The following ASTN2 variants were observed in gnomAD, a reference collection of about 807,000 sequenced individuals.
ASTN2 encodes astrotactin-2.
ASTN2 carries 54 observed loss-of-function variants against 139.8 expected under a neutral mutation model. That is an observed-to-expected ratio of 0.39 (90% CI 0.31 to 0.48). The LOEUF is 0.48. Ranked by LOEUF, ASTN2 falls within the 20% of genes least tolerant of loss-of-function variation. The pLI is 0.95. For synonymous variants in ASTN2, 756 were observed against 719.5 expected, an observed-to-expected ratio of 1.05 and a Z score of -0.81; for missense variants, 1,565 against 1,725.1, an observed-to-expected ratio of 0.91 and a Z score of 1.64.
At chr9:117,009,469 G>A (rs1837450318) in intron 6 of ASTN2, among the ~76,000 whole-genome samples, 3 of 152,050 alleles carry the variant, frequency 2.0e-5, no homozygotes, top group African/African-American at 7.2e-5. Flanking sequence ...AGTTGCAAAT[G>A]GTGAGTGTAT....
At chr9:116,759,988 T>C (rs1829634146) in intron 13 of ASTN2, among the ~76,000 whole-genome samples, 1 of 152,216 alleles carries the variant, frequency 6.6e-6, no homozygotes, top group Non-Finnish European at 1.5e-5. Context: ...GGACCCTGGT[T>C]TCTTTATCAG....
chr9:116,998,206 G>A (rs1411056467), intron 7 of ASTN2, among the ~76,000 whole-genome samples: 2 of 152,184 alleles, frequency 1.3e-5, no homozygotes, highest in African/African-American at 4.8e-5. Context: ...AATGAGTGGT[G>A]AGGTGGAGAG....
At chr9:116,529,325 G>A (rs936098356) in intron 19 of ASTN2, among the ~76,000 whole-genome samples, 1 of 152,116 alleles carries the variant, frequency 6.6e-6, no homozygotes, top group Non-Finnish European at 1.5e-5. Context: ...CTGTCCTGTT[G>A]GGTTTCGGAC....
intron 5 of ASTN2, among the ~76,000 whole-genome samples, chr9:117,083,272 T>C (rs902768770): frequency 6.6e-6 from 1 of 152,232 alleles, no homozygotes; most frequent in African/African-American, 2.4e-5. Flanking sequence ...CTGGCTAAAT[T>C]TATCCTTCCC....
At chr9:116,924,026 G>A (rs1420969504) in intron 10 of ASTN2, among the ~76,000 whole-genome samples, 1 of 152,108 alleles carries the variant, frequency 6.6e-6, no homozygotes, top group Non-Finnish European at 1.5e-5. Context: ...CCCAATAGAG[G>A]GTTCTTGGAT....
At chr9:116,680,302 C>A (rs1178432320) in intron 16 of ASTN2, among the ~76,000 whole-genome samples, 2 of 152,188 alleles carry the variant, frequency 1.3e-5, no homozygotes, top group Admixed American at 6.5e-5. Context: ...TGGACACATA[C>A]ACCATCCCAA....
At chr9:117,311,374 T>G (rs935699341) in intron 1 of ASTN2, among the ~76,000 whole-genome samples, 1 of 152,280 alleles carries the variant, frequency 6.6e-6, no homozygotes, top group Admixed American at 6.5e-5. Flanking sequence ...TTCAGAGCCC[T>G]GTTTCCCACC....
intron 10 of ASTN2, among the ~76,000 whole-genome samples, chr9:116,910,649 T>C (rs1268392302): frequency 2.0e-5 from 3 of 152,076 alleles, no homozygotes; most frequent in Admixed American, 1.3e-4. Flanking sequence ...GTTGAGGGAC[T>C]GGACTCAAAC....
At chr9:117,397,993 T>C (rs1035301814) in intron 1 of ASTN2, among the ~76,000 whole-genome samples, 64 of 152,248 alleles carry the variant, frequency 4.2e-4, no homozygotes, top group African/African-American at 1.4e-3. Flanking sequence ...AGAAGAATCA[T>C]CATATTCCAC....
intron 19 of ASTN2, among the ~76,000 whole-genome samples, chr9:116,603,379 A>G (rs185632989): frequency 6.6e-6 from 1 of 152,290 alleles, no homozygotes; most frequent in Admixed American, 6.5e-5. Context: ...TTTATGGAAC[A>G]ATATCATGTG....
At chr9:116,810,066 G>A (rs1276435486) in intron 12 of ASTN2, among the ~76,000 whole-genome samples, 3 of 152,112 alleles carry the variant, frequency 2.0e-5, no homozygotes, top group Admixed American at 1.3e-4. Context: ...ACAATAGACC[G>A]TGCACAAATA....
At chr9:116,956,097 T>TC (rs1295536224) in intron 10 of ASTN2, among the ~76,000 whole-genome samples, 6 of 145,890 alleles carry the variant, frequency 4.1e-5, no homozygotes, top group East Asian at 2.0e-4. Context: ...TTCTTTTCTT[T>TC]TTTTTTTTTT....
chr9:117,276,716 G>A lies in ASTN2; in HGVS notation c.630+14610C>T, dbSNP rs531457900. ...GAGGGCACAGAGAGACAAGGGCGGG[G>A]GAGAGGGGGATGAGATAAGGCTGCC... On this transcript the variant is annotated intron_variant, in intron 2 of 22. Transcript: ENST00000313400. 9.2e-5 allele frequency among the ~76,000 whole-genome samples: 14 copies of A among 152,268 alleles called. No homozygotes were observed. The East Asian group carries it at 2.7e-3, about 30-fold the overall frequency.
In ASTN2 at chr9:117,398,781, C is replaced by A. The variant is rs150313771; in HGVS notation, c.442+15716G>T. Among the ~76,000 whole-genome samples, 235 of 152,224 alleles carry A rather than the reference C, an allele frequency of 1.5e-3. 1 individual carries two copies. The highest frequency in any genetic ancestry group is 6.8e-3 in the Middle Eastern group (2 of 292). ...TAATGTGTTACAACAACCTTGTATT[C>A]TTTCTGTTAATATTTTTTGAGATGG... On this transcript the variant is annotated intron_variant, in intron 1 of 22. Transcript: ENST00000313400.
At chr9:116,504,882 T>G (rs1850039109) in intron 19 of ASTN2, among the ~76,000 whole-genome samples, 1 of 93,468 alleles carries the variant, frequency 1.1e-5, no homozygotes, top group African/African-American at 4.9e-5. Flanking sequence ...GATGACCAAG[T>G]GAAATCCTGT....
At chr9:116,502,051 T>C (rs1849876176) in intron 19 of ASTN2, among the ~76,000 whole-genome samples, 1 of 151,868 alleles carries the variant, frequency 6.6e-6, no homozygotes, top group Non-Finnish European at 1.5e-5. Context: ...GGTTTTCTGG[T>C]CATGCAAGCA....
At chr9:116,963,187 G>A (rs1245963393) in intron 10 of ASTN2, among the ~76,000 whole-genome samples, 1 of 152,142 alleles carries the variant, frequency 6.6e-6, no homozygotes, top group Admixed American at 6.5e-5. Flanking sequence ...TGATTCTGGA[G>A]GGCACATTCT....
rs562113175 is a variant in ASTN2, at chr9:116,532,158, T to A, written c.3356-44658A>T. On this transcript the variant is annotated intron_variant, in intron 19 of 22. Coordinates refer to ENST00000313400, the MANE Select transcript of ASTN2 (RefSeq NM_001365068.1). ...TGCATGTGTCTTTTGGCTGCATAAA[T>A]GTCTTCTTTTGAGAAGTGTCTGTTC... 3.9e-5 allele frequency among the ~76,000 whole-genome samples: 6 copies of A among 152,370 alleles called. No homozygotes were observed. The South Asian group carries it at 1.2e-3, about 32-fold the overall frequency.
intron 10 of ASTN2, among the ~76,000 whole-genome samples, chr9:116,955,910 C>T (rs1407867373): frequency 6.6e-6 from 1 of 152,020 alleles, no homozygotes; most frequent in African/African-American, 2.4e-5. Context: ...AACTGGAAAA[C>T]TAAACAAGAA....
Sources: gnomAD v4.1 joint callset for allele counts (sites outside exome capture counted in the v4.1 genomes callset) on GRCh38, gnomAD v4.1.1 for gene constraint, MANE v1.5 for transcripts, NCBI Gene and HGNC (gene_info 2026-07-23, HGNC 2026-07-21) for gene names.